Variants in FRMD6 observed in about 807,000 individuals in gnomAD.
FRMD6 encodes FERM domain containing 6, also known as FERM domain-containing protein 6.
A neutral mutation model predicts 73.2 loss-of-function variants in FRMD6; 37 were observed. The ratio of observed to expected loss-of-function variants is 0.51; its 90% CI spans 0.39 to 0.66. The LOEUF (loss-of-function observed/expected upper bound fraction) is 0.66. Among genes scored for constraint, FRMD6 ranks in the 30% least tolerant of loss-of-function variants. The pLI is 0.00. For synonymous variants in FRMD6, 273 were observed against 282.2 expected (o/e 0.97, Z 0.33); for missense variants, 714 against 780.5 (o/e 0.91, Z 1.02).
At chr14:51,497,234 C>CT (rs540369904) in intron 1 of FRMD6, among the ~76,000 whole-genome samples, 10,809 of 137,878 alleles carry the variant, frequency 0.078, 699 homozygotes, top group African/African-American at 0.18. Flanking sequence ...TCTGAAATAA[C>CT]TTTTTTTTTT....
At chr14:51,586,494 A>G (rs1889058458) in intron 2 of FRMD6, among the ~76,000 whole-genome samples, 1 of 152,136 alleles carries the variant, frequency 6.6e-6, no homozygotes, top group Non-Finnish European at 1.5e-5. Flanking sequence ...TGTTGGATCC[A>G]TAGTTTGCAA....
intron 1 of FRMD6, among the ~76,000 whole-genome samples, chr14:51,511,812 A>G (rs1320304512): frequency 6.6e-6 from 1 of 152,054 alleles, no homozygotes; most frequent in African/African-American, 2.4e-5. Flanking sequence ...CCACCATGGC[A>G]TGTGTATACC....
At chr14:51,607,615 G>A (rs1160092629) in intron 2 of FRMD6, among the ~76,000 whole-genome samples, 1 of 152,162 alleles carries the variant, frequency 6.6e-6, no homozygotes, top group Admixed American at 6.5e-5. Flanking sequence ...AGGGATGATG[G>A]CTGGCAGCAG....
intron 1 of FRMD6, among the ~76,000 whole-genome samples, chr14:51,494,755 T>C (rs1883200138): frequency 6.6e-6 from 1 of 152,190 alleles, no homozygotes; most frequent in Non-Finnish European, 1.5e-5. Context: ...TTTTGCACTC[T>C]GGGCCCATGA....
chr14:51,521,741 G>A (rs1884966076), intron 1 of FRMD6, among the ~76,000 whole-genome samples: 1 of 151,828 alleles, frequency 6.6e-6, no homozygotes, highest in Admixed American at 6.6e-5. Context: ...GGCTAGCAGG[G>A]CTATATTGGG....
the FRMD6 span, among the ~76,000 whole-genome samples, chr14:51,453,183 C>T: frequency 6.6e-6 from 1 of 151,678 alleles, no homozygotes; most frequent in African/African-American, 2.4e-5. Context: ...GATGTGGTGC[C>T]CAAGAGAGGT....
At chr14:51,546,450 A>G (rs952463176) in intron 1 of FRMD6, among the ~76,000 whole-genome samples, 16 of 138,276 alleles carry the variant, frequency 1.2e-4, no homozygotes, top group African/African-American at 3.3e-4. Flanking sequence ...GTTTATTTTG[A>G]TTGATCTGGC....
At chr14:51,414,427 TTG>T in the FRMD6 span, among the ~76,000 whole-genome samples, 5 of 152,246 alleles carry the variant, frequency 3.3e-5, no homozygotes, top group Non-Finnish European at 1.5e-5. Context: ...TTCCCATTTC[TTG>T]TGTTTGTCAG....
Position 51,513,844 on chromosome 14 carries a change from C to T in FRMD6, c.-210+24424C>T, listed in dbSNP as rs1884464702. On this transcript the variant is annotated intron_variant, in intron 1 of 14. Coordinates refer to the FRMD6 transcript ENST00000356218. Reference sequence around the variant, plus strand: ...CCAGCTAAGGCCTATCTCTCCTCTCCAATCCCAACTGGAGGCAAGAGGCAT... The same window carrying T: ...CCAGCTAAGGCCTATCTCTCCTCTCTAATCCCAACTGGAGGCAAGAGGCAT... 1.3e-5 allele frequency among the ~76,000 whole-genome samples: 2 copies of T among 152,206 alleles called. 1 individual carries two copies. The highest frequency in any genetic ancestry group is 1.3e-4 in the Admixed American group (2 of 15,284).
Position 51,658,691 on chromosome 14 carries a change from G to A in FRMD6, c.-147+6695G>A, listed in dbSNP as rs374722471. The stretch of plus-strand genomic sequence containing the variant: ...CGCTAAAATCTGTGGCAGTCTCCAG[G>A]AAGTACTTATTGTAAAACATAAGAT... On this transcript the variant is annotated intron_variant, in intron 1 of 13. Transcript: ENST00000344768. Among the ~76,000 whole-genome samples the A allele has an allele frequency of 2.9e-3, 438 of 152,178 alleles. 2 individuals carry two copies. Among genetic ancestry groups the A allele is most frequent in the South Asian group, 3.3e-3 (16 of 4,814 alleles).
intron 2 of FRMD6, among the ~76,000 whole-genome samples, chr14:51,623,602 A>G (rs1891011598): frequency 6.6e-6 from 1 of 152,180 alleles, no homozygotes; most frequent in Non-Finnish European, 1.5e-5. Flanking sequence ...ATGGCTCCTC[A>G]TCATCCTTCA....
intron 1 of FRMD6, among the ~76,000 whole-genome samples, chr14:51,500,266 C>T (rs1456028272): frequency 6.6e-6 from 1 of 152,130 alleles, no homozygotes; most frequent in Non-Finnish European, 1.5e-5. Context: ...TGGTGGCTTA[C>T]ACCTGTAATT....
chr14:51,487,999 G>A (rs762778722), upstream of FRMD6, among the ~76,000 whole-genome samples: 7 of 152,216 alleles, frequency 4.6e-5, no homozygotes, highest in Non-Finnish European at 1.0e-4. Flanking sequence ...CTTTCGTCAT[G>A]GCTGAATGAA....
At chr14:51,626,963 G>A (rs866585185) in intron 2 of FRMD6, among the ~76,000 whole-genome samples, 1 of 152,146 alleles carries the variant, frequency 6.6e-6, no homozygotes, top group Non-Finnish European at 1.5e-5. Flanking sequence ...CTGGCAGATA[G>A]GCCTGAGAGA....
intron 1 of FRMD6, among the ~76,000 whole-genome samples, chr14:51,499,573 G>T (rs1883485944): frequency 6.6e-6 from 1 of 152,202 alleles, no homozygotes; most frequent in South Asian, 2.1e-4. Flanking sequence ...ATAAGACGTG[G>T]AGTAGGGGCC....
At chr14:51,444,570 G>C in the FRMD6 span, among the ~76,000 whole-genome samples, 2 of 152,138 alleles carry the variant, frequency 1.3e-5, no homozygotes, top group Non-Finnish European at 2.9e-5. Flanking sequence ...GATGAAAACT[G>C]AGAGAGAGCA....
At chr14:51,628,199 A>C (rs1456758622) in intron 2 of FRMD6, among the ~76,000 whole-genome samples, 2 of 152,192 alleles carry the variant, frequency 1.3e-5, no homozygotes. Context: ...ATATGTGCCT[A>C]TTTCTAAGAG....
intron 1 of FRMD6, among the ~76,000 whole-genome samples, chr14:51,509,264 C>T (rs1946533030): frequency 6.6e-6 from 1 of 152,218 alleles, no homozygotes. Context: ...TGGCTCACGC[C>T]TGTAATCCCA....
the FRMD6 span, among the ~76,000 whole-genome samples, chr14:51,463,197 T>C: frequency 6.6e-6 from 1 of 152,226 alleles, no homozygotes; most frequent in Non-Finnish European, 1.5e-5. Flanking sequence ...AGCCATTCAC[T>C]AAGTAGCATT....
Sources: gnomAD v4.1 joint callset for allele counts (sites outside exome capture counted in the v4.1 genomes callset) on GRCh38, gnomAD v4.1.1 for gene constraint, MANE v1.5 for transcripts, NCBI Gene and HGNC (gene_info 2026-07-23, HGNC 2026-07-21) for gene names.